The following RBM14 variants were observed in gnomAD, a reference collection of about 807,000 sequenced individuals.
RBM14 encodes RNA-binding protein 14.
RBM14 carries 5 observed loss-of-function variants against 52.8 expected under a neutral mutation model. That is an observed-to-expected ratio of 0.09 (90% CI 0.05 to 0.20). RBM14 has a LOEUF of 0.20. RBM14 is among the 10% of genes least tolerant of loss of function. The pLI, the probability that RBM14 is intolerant of heterozygous loss-of-function variation, is 1.00. For synonymous variants in RBM14, 411 were observed against 401.8 expected (o/e 1.02, Z -0.28); for missense variants, 780 against 926.6 (o/e 0.84, Z 2.05).
At chr11:66,620,517 G>A (rs1185236108) in intron 1 of RBM14, among the ~76,000 whole-genome samples, 1 of 152,060 alleles carries the variant, frequency 6.6e-6, no homozygotes, top group Non-Finnish European at 1.5e-5. Flanking sequence ...GGCCAGGCTG[G>A]TCTTGAACTC....
intron 1 of RBM14, chr11:66,617,502 C>T: frequency 1.0e-6 from 1 of 1,001,186 alleles, no homozygotes; most frequent in Non-Finnish European, 1.2e-6. Flanking sequence ...GGGCTGACGC[C>T]CCAAGGCCGC....
At chr11:66,623,388 G>A (rs1859207779) in intron 1 of RBM14, among the ~76,000 whole-genome samples, 1 of 152,146 alleles carries the variant, frequency 6.6e-6, no homozygotes, top group Non-Finnish European at 1.5e-5. Context: ...TAAATTTTTA[G>A]TCATATTACA....
At position 66,616,698 on chromosome 11, in the gene RBM14, A is replaced by G; in HGVS notation, c.-23A>G. The stretch of plus-strand genomic sequence containing the variant: ...GCTGGAGGAGAGGTCCGGGCTCTCC[A>G]GGAAGGTGGCTGCGGCGACAAAATG... On this transcript the variant is annotated 5_prime_UTR_variant, in exon 1 of 3. Coordinates refer to ENST00000310137, the MANE Select transcript of RBM14 (RefSeq NM_006328.4). The G allele has an allele frequency of 1.3e-6, 2 of 1,577,444 alleles. No individual in the cohort carries two copies. Among genetic ancestry groups the G allele is most frequent in the Non-Finnish European group, 8.7e-7 (1 of 1,155,922 alleles).
chr11:66,621,218 G>GTT (rs924734146), intron 1 of RBM14, among the ~76,000 whole-genome samples: 1 of 147,076 alleles, frequency 6.8e-6, no homozygotes, highest in East Asian at 2.0e-4. Flanking sequence ...GGTTTTTTGT[G>GTT]TTTTTTTTTT....
rs1184191914 is a variant in RBM14, at chr11:66,621,566, G to A, written c.338-2648G>A. 4.0e-5 allele frequency among the ~76,000 whole-genome samples: 6 copies of A among 151,854 alleles called. No homozygotes were observed. In the South Asian group the frequency reaches 6.2e-4, roughly 16 times the overall value. On this transcript the variant is annotated intron_variant, in intron 1 of 2. Coordinates refer to ENST00000310137, the MANE Select transcript of RBM14 (RefSeq NM_006328.4). ...CTAATTTAATATTTTTAGTAAAGAC[G>A]GCGTTTCACCTTGTTGGTCAGGCTG... is the stretch of plus-strand genomic sequence containing the variant.
rs934954318 is a variant in RBM14 at position 66,616,834 on chromosome 11, C to T, written c.114C>T (p.Ala38=). Residue 38 remains alanine (A), a synonymous_variant, in exon 1 of 3, where the codon GCC becomes GCT. Coordinates refer to ENST00000310137, the MANE Select transcript of RBM14 (RefSeq NM_006328.4). ...GCTGCGCCGTCATGAAACAGTTCGC[C>T]TTCGTGCACATGCGCGAGAACGCGG... The part of the protein sequence containing the change: ...VMSCAVMKQF[A]FVHMRENAGA... The T allele has an allele frequency of 1.2e-6, 2 of 1,612,610 alleles. No homozygotes were observed. The highest frequency in any genetic ancestry group is 1.3e-5 in the African/African-American group (1 of 74,944).
Position 66,625,759 on chromosome 11 carries a change from G to C in RBM14, c.1802+81G>C, listed in dbSNP as rs1336339186. On this transcript the variant is annotated intron_variant, in intron 2 of 2. Coordinates refer to ENST00000310137, the MANE Select transcript of RBM14 (RefSeq NM_006328.4). The surrounding 1 kb of genome is among the most constrained non-coding windows in gnomAD (Gnocchi z 4.2). Reference sequence around the variant, plus strand: ...GGTTGGCATGGGAGGGAAACTGGAGGCATCGGCCCCTCCCTCGGTCTTCTC... The same window carrying C: ...GGTTGGCATGGGAGGGAAACTGGAGCCATCGGCCCCTCCCTCGGTCTTCTC... 2 of 1,110,370 alleles carry C rather than the reference G, an allele frequency of 1.8e-6. No homozygotes were observed. The highest frequency in any genetic ancestry group is 2.6e-6 in the Non-Finnish European group (2 of 783,420). The allele number at this position is 1,110,370 out of a possible 1,614,324, so 68.8% of individuals were successfully genotyped here. A position where few individuals can be genotyped will look rare whatever the true frequency, so the allele number is the denominator to read the frequency against.
chr11:66,623,081 A>G (rs1333350733), intron 1 of RBM14, among the ~76,000 whole-genome samples: 1 of 152,188 alleles, frequency 6.6e-6, no homozygotes, highest in Non-Finnish European at 1.5e-5. Flanking sequence ...CTCCTACCAC[A>G]GCTTATTCAG....
rs772436463 is a variant in RBM14, at chr11:66,617,062, CGCGGAGGCGCGCTCGGGG to C, written c.337+10_337+27del. The C allele has an allele frequency of 5.9e-5, 93 of 1,566,364 alleles. No homozygotes were observed. Among genetic ancestry groups the C allele is most frequent in the Non-Finnish European group, 7.8e-5 (90 of 1,153,908 alleles). On this transcript the variant is annotated splice_donor_region_variant and intron_variant, in intron 1 of 2. Transcript: ENST00000310137. ...TCGAGTGTGACGTGGTGAAAGGTAACGCGGAGGCGCGCTCGGGGGCGGGGGCGCGCTCGGGGCACTCTG... is the reference window on the plus strand; with the variant it reads ...TCGAGTGTGACGTGGTGAAAGGTAACGCGGGGGCGCGCTCGGGGCACTCTG...
rs139964180 is a variant in RBM14, at chr11:66,628,164, C to T, written c.*1496C>T. Among the ~76,000 whole-genome samples the T allele has an allele frequency of 1.5e-3, 230 of 151,968 alleles. No homozygotes were observed. The highest frequency in any genetic ancestry group is 6.8e-3 in the Middle Eastern group (2 of 294). ...GTGCTTTTATTGTAGGGCTGGGGAT[C>T]GAGGATCTGGGCAAAAAATATGACA... On this transcript the variant is annotated 3_prime_UTR_variant, in exon 3 of 3. Transcript: ENST00000310137.
chr11:66,622,665 T>C (rs1257482555), intron 1 of RBM14, among the ~76,000 whole-genome samples: 2 of 152,246 alleles, frequency 1.3e-5, no homozygotes, highest in Admixed American at 1.3e-4. Context: ...TTTTTCCCCA[T>C]TATCCTTAGT....
chr11:66,618,230 T>G (rs922146164), intron 1 of RBM14, among the ~76,000 whole-genome samples: 4 of 152,168 alleles, frequency 2.6e-5, no homozygotes, highest in Admixed American at 6.5e-5. Flanking sequence ...TTTTGGAAGA[T>G]GCAGCCTGGG....
Position 66,627,368 on chromosome 11 carries a change from A to G in RBM14, c.*700A>G, listed in dbSNP as rs1042939773. On this transcript the variant is annotated 3_prime_UTR_variant, in exon 3 of 3. Transcript: ENST00000310137. The stretch of plus-strand genomic sequence containing the variant: ...ACCTGGTTGTCATTGTCTTGATTGC[A>G]TTCAGTGTCAAAGGAGCCAATTTGA... 2.0e-5 allele frequency: 3 copies of G among 152,208 alleles called. No individual in the cohort carries two copies. The highest frequency in any genetic ancestry group is 4.8e-5 in the African/African-American group (2 of 41,452). 9.4% of individuals were successfully genotyped at this position (152,208 alleles called of 1,614,324 possible).
Position 66,624,158 on chromosome 11 carries a change from T to A in RBM14, c.338-56T>A, listed in dbSNP as rs1937678980. On this transcript the variant is annotated intron_variant, in intron 1 of 2. Transcript: ENST00000310137. The surrounding 1 kb of genome is among the most constrained non-coding windows in gnomAD (Gnocchi z 4.7). ...TGTTGTGTGTCCAATTTGGGACCCA[T>A]CAGGTAGCATGCCCTGCCCCCCTAA... 47 of 1,541,792 alleles carry A rather than the reference T, an allele frequency of 3.0e-5. No homozygotes were observed. The South Asian group carries it at 5.4e-4, about 18-fold the overall frequency.
At position 66,625,309 on chromosome 11, in the gene RBM14, C is replaced by A. The variant is rs1937737355; in HGVS notation, c.1433C>A (p.Ala478Glu). ...QTQLNSYGAQ[A>E]SMGLSGSYGA... ...CAGCTGAATAGTTACGGGGCCCAAG[C>A]ATCAATGGGCCTTTCAGGCTCCTAT... Residue 478 changes from alanine (A) to glutamate (E), a missense_variant, in exon 2 of 3, where the codon GCA becomes GAA. Physicochemically the swap from Ala to Glu is moderately radical, Grantham distance 107. This residue lies in a region of RBM14 where 675 missense variants were observed against 697.3 expected (regional missense o/e 0.97). Coordinates refer to ENST00000310137, the MANE Select transcript of RBM14 (RefSeq NM_006328.4). The surrounding 1 kb of genome is among the most constrained non-coding windows in gnomAD (Gnocchi z 4.2). 1 of 1,612,048 alleles carries A rather than the reference C, an allele frequency of 6.2e-7. No individual in the cohort carries two copies. The highest frequency in any genetic ancestry group is 1.1e-5 in the South Asian group (1 of 91,042).
rs955581604 is a variant in RBM14 at position 66,617,121 on chromosome 11, C to T, written c.337+64C>T. ...GGGCACTCTGCCTGTTAGCCACGCC[C>T]CTTACCCGGGGGTCGGTCACTGCGC... On this transcript the variant is annotated intron_variant, in intron 1 of 2. Transcript: ENST00000310137. The T allele has an allele frequency of 1.8e-5, 28 of 1,521,530 alleles. No homozygotes were observed. The East Asian group carries it at 2.5e-4, about 14-fold the overall frequency. 94.3% of individuals were successfully genotyped at this position (1,521,530 alleles called of 1,614,324 possible). A position where few individuals can be genotyped will look rare whatever the true frequency, so the allele number is the denominator to read the frequency against.
chr11:66,623,400 A>G (rs1008489954), intron 1 of RBM14, among the ~76,000 whole-genome samples: 2 of 152,214 alleles, frequency 1.3e-5, no homozygotes, highest in Non-Finnish European at 2.9e-5. Flanking sequence ...CATATTACAC[A>G]GTCCTGCCTT....
intron 1 of RBM14, among the ~76,000 whole-genome samples, chr11:66,623,706 C>A (rs1251782499): frequency 6.6e-6 from 1 of 152,192 alleles, no homozygotes; most frequent in Non-Finnish European, 1.5e-5. Context: ...CAGTCTATCT[C>A]TCTTGCCTTA....
chr11:66,625,111 C>T lies in RBM14; in HGVS notation c.1235C>T (p.Ala412Val), dbSNP rs780348515. 3.0e-5 allele frequency: 48 copies of T among 1,613,176 alleles called. No individual in the cohort carries two copies. Among genetic ancestry groups the T allele is most frequent in the Admixed American group, 6.7e-5 (4 of 59,994 alleles). ...GCCCAGCCCTCGGCCTCTTACAATGCCCAGTCTGCCCCATATGCTGCACAG... is the reference window on the plus strand; with the variant it reads ...GCCCAGCCCTCGGCCTCTTACAATGTCCAGTCTGCCCCATATGCTGCACAG... ...YNAQPSASYN[A>V]QSAPYAAQQA... The change falls in exon 2 of 3, where the codon GCC becomes GTC. Residue 412 changes from alanine to valine, a missense_variant. Around this residue, in one of 4 missense-constraint regions of RBM14, gnomAD observed 675 missense variants for 697.3 expected, o/e 0.97. Transcript: ENST00000310137. This position sits in a 1 kb window ranked among gnomAD's most constrained non-coding sequence, Gnocchi z 4.2.
Sources: gnomAD v4.1 joint callset for allele counts (sites outside exome capture counted in the v4.1 genomes callset) on GRCh38, gnomAD v4.1.1 for gene constraint, gnomAD v4.1.1 regional missense constraint, Gnocchi (gnomAD v3.1) non-coding constraint, MANE v1.5 for transcripts, NCBI Gene and HGNC (gene_info 2026-07-23, HGNC 2026-07-21) for gene names.